Variants in RICTOR observed in about 807,000 individuals in gnomAD.
RICTOR encodes the protein RPTOR independent companion of MTOR complex 2.
In RICTOR, 49 loss-of-function variants were observed where a neutral mutation model predicts 214.9. That is an observed-to-expected ratio of 0.23 (90% CI 0.18 to 0.29). RICTOR has a LOEUF of 0.29. Ranked by LOEUF, RICTOR falls within the 10% of genes least tolerant of loss-of-function variation. The probability of loss-of-function intolerance (pLI) is 1.00; values close to 1 mark genes in which losing one functional copy is unlikely to be tolerated. For missense variants in RICTOR, 1,625 were observed against 2,047.0 expected (o/e 0.79, Z 3.98); for synonymous variants, 717 against 711.3 (o/e 1.01, Z -0.13).
At chr5:38,989,406 G>C (rs983350046) in intron 7 of RICTOR, among the ~76,000 whole-genome samples, 1 of 152,122 alleles carries the variant, frequency 6.6e-6, no homozygotes, top group East Asian at 1.9e-4. Flanking sequence ...AAACTTAGAA[G>C]AAAACCTAGG....
intron 3 of RICTOR, among the ~76,000 whole-genome samples, chr5:39,018,429 TAC>T (rs1198098531): frequency 6.6e-6 from 1 of 152,200 alleles, no homozygotes; most frequent in Non-Finnish European, 1.5e-5. Flanking sequence ...CTCTGTTTTT[TAC>T]ACATTGAAGG....
chr5:38,956,044 G>C (rs1749233780), intron 25 of RICTOR, among the ~76,000 whole-genome samples: 2 of 151,850 alleles, frequency 1.3e-5, no homozygotes, highest in Admixed American at 1.3e-4. Flanking sequence ...ATTATATATT[G>C]TCATTAAATT....
At chr5:38,967,751 T>C (rs908878754) in intron 12 of RICTOR, among the ~76,000 whole-genome samples, 192 bp downstream of exon 12, 5 of 152,176 alleles carry the variant, frequency 3.3e-5, no homozygotes, top group African/African-American at 1.2e-4. Flanking sequence ...AGAGCCAAGG[T>C]GATAAAGAAG....
Position 38,976,860 on chromosome 5 carries a change from T to C in RICTOR, c.822-1256A>G, listed in dbSNP as rs115319752. Among the ~76,000 whole-genome samples, 397 of 152,358 alleles carry C rather than the reference T, an allele frequency of 2.6e-3. 1 individual carries two copies. The highest frequency in any genetic ancestry group is 3.8e-3 in the Non-Finnish European group (261 of 68,030). ...GGTTCACCTGTTGTCCATCATCATA[T>C]GCAGAATTCTATATATGGCCCTATC... On this transcript the variant is annotated intron_variant, in intron 9 of 37. Coordinates refer to ENST00000357387, the MANE Select transcript of RICTOR (RefSeq NM_152756.5).
Position 38,958,301 on chromosome 5 carries a change from C to A in RICTOR, c.2420+142G>T. 6 of 614,416 alleles carry A rather than the reference C, an allele frequency of 9.8e-6. No homozygotes were observed. The South Asian group carries it at 1.2e-4, about 12-fold the overall frequency. 38.1% of individuals were successfully genotyped at this position (614,416 alleles called of 1,614,324 possible). ...AAAAAAATTAAAAAAAAAGAAAAAC[C>A]CAAAATAATGAAAAGACAATGTTTC... On this transcript the variant is annotated intron_variant, in intron 24 of 37. Transcript: ENST00000357387.
intron 10 of RICTOR, 62 bp downstream of exon 10, chr5:38,975,475 C>T: frequency 1.8e-6 from 2 of 1,122,438 alleles, no homozygotes; most frequent in Non-Finnish European, 2.7e-6. Flanking sequence ...AATAATTTAA[C>T]ATTTGAAAAA....
At chr5:38,985,610 C>G (rs1206402737) in intron 7 of RICTOR, among the ~76,000 whole-genome samples, 1 of 152,132 alleles carries the variant, frequency 6.6e-6, no homozygotes, top group Non-Finnish European at 1.5e-5. Flanking sequence ...CTTTTCCTTC[C>G]AATGATCAGA....
intron 6 of RICTOR, among the ~76,000 whole-genome samples, chr5:38,992,835 A>G (rs1011193401): frequency 2.6e-5 from 4 of 152,220 alleles, no homozygotes; most frequent in Non-Finnish European, 4.4e-5. Flanking sequence ...AAGTTTAATA[A>G]TCTCTTCTGG....
At chr5:39,056,465 C>T (rs1372453219) in intron 2 of RICTOR, among the ~76,000 whole-genome samples, 3 of 152,010 alleles carry the variant, frequency 2.0e-5, no homozygotes, top group Non-Finnish European at 2.9e-5. Context: ...AGAACCCTGT[C>T]TCTACAAAAA....
chr5:38,967,563 C>T, intron 12 of RICTOR, 136 bp from the exon 13 acceptor site: 1 of 644,066 alleles, frequency 1.6e-6, no homozygotes, highest in Non-Finnish European at 2.7e-6. Flanking sequence ...CAAAAAGATA[C>T]AGACAAAAAT....
At position 38,959,220 on chromosome 5, in the gene RICTOR, G is replaced by T; in HGVS notation, c.2153C>A (p.Ser718Tyr). 3 of 1,595,730 alleles carry T rather than the reference G, an allele frequency of 1.9e-6. No homozygotes were observed. The highest frequency in any genetic ancestry group is 2.6e-6 in the Non-Finnish European group (3 of 1,171,470). Reference sequence around the variant, plus strand: ...ATCAGTAGCTGCAGTTAAAATTTTGGAAAGGATGACTCTAGCCAATCCATC... The same window carrying T: ...ATCAGTAGCTGCAGTTAAAATTTTGTAAAGGATGACTCTAGCCAATCCATC... ...SRDGLARVIL[S>Y]KILTAATDAC... The change falls in exon 22 of 38, where the codon TCC (serine) becomes TAC (tyrosine). Residue 718 changes from serine to tyrosine, a missense_variant. This residue lies in a region of RICTOR where 1,214 missense variants were observed against 1,470.5 expected (regional missense o/e 0.83). Transcript: ENST00000357387.
Position 38,958,536 on chromosome 5 carries a change from T to C in RICTOR, c.2344-17A>G. On this transcript the variant is annotated splice_polypyrimidine_tract_variant and intron_variant, in intron 23 of 37. Transcript: ENST00000357387. ...AAGATTGGCCTAAAAGAGATTATCA[T>C]TATTTTTTTATAATTGCACAAAAAT... 1 of 1,594,828 alleles carries C rather than the reference T, an allele frequency of 6.3e-7. No homozygotes were observed. Among genetic ancestry groups the C allele is most frequent in the Middle Eastern group, 1.7e-4 (1 of 5,946 alleles).
intron 2 of RICTOR, among the ~76,000 whole-genome samples, chr5:39,071,524 A>T (rs1580243705): frequency 6.6e-6 from 1 of 152,234 alleles, no homozygotes; most frequent in Non-Finnish European, 1.5e-5. Context: ...TACTTTAATT[A>T]AGAACTAGCT....
At chr5:38,971,547 A>AT (rs10676528) in intron 11 of RICTOR, 1,584 of 142,782 alleles carry the variant, frequency 0.011, 39 homozygotes, top group African/African-American at 0.036. Flanking sequence ...TAATTTTTGT[A>AT]TTTTTTTTTT....
intron 9 of RICTOR, among the ~76,000 whole-genome samples, chr5:38,977,346 A>G (rs956912650): frequency 2.6e-5 from 4 of 152,214 alleles, no homozygotes; most frequent in African/African-American, 9.6e-5. Flanking sequence ...TTAAGCCATC[A>G]TGCTTATTGT....
At chr5:38,979,706 C>A (rs1751548591) in intron 8 of RICTOR, among the ~76,000 whole-genome samples, 1 of 152,208 alleles carries the variant, frequency 6.6e-6, no homozygotes, top group Non-Finnish European at 1.5e-5. Flanking sequence ...GGATCTGCGT[C>A]AACAAGTGTC....
In RICTOR at chr5:38,955,704, C is replaced by T; in HGVS notation, c.2500G>A (p.Glu834Lys). 1 of 1,499,366 alleles carries T rather than the reference C, an allele frequency of 6.7e-7. No homozygotes were observed. The highest frequency in any genetic ancestry group is 1.7e-5 in the Admixed American group (1 of 59,688). 92.9% of individuals were successfully genotyped at this position (1,499,366 alleles called of 1,614,324 possible). A position where few individuals can be genotyped will look rare whatever the true frequency, so the allele number is the denominator to read the frequency against. ...VAKQLEKWHR[E>K]YNSKYVDLIE... ...AAGTCAACATATTTGGAGTTGTATT[C>T]CTAGAGGATAATATTGTTTTAATTG... is the stretch of plus-strand genomic sequence containing the variant. The change falls in exon 26 of 38, where the codon GAA becomes AAA. Residue 834 changes from glutamate (E) to lysine (K), a missense_variant and splice_region_variant. By Grantham distance (56) the Glu-to-Lys change is moderately conservative (BLOSUM62 1). This residue lies in a region of RICTOR where 1,214 missense variants were observed against 1,470.5 expected (regional missense o/e 0.83). Coordinates refer to ENST00000357387, the MANE Select transcript of RICTOR (RefSeq NM_152756.5).
intron 3 of RICTOR, among the ~76,000 whole-genome samples, chr5:39,012,078 T>C (rs1353220876): frequency 6.6e-6 from 1 of 152,198 alleles, no homozygotes; most frequent in African/African-American, 2.4e-5. Context: ...TCCCCATGTG[T>C]CAAGGGTGGG....
chr5:38,955,449 C>T (rs559380483), intron 26 of RICTOR, 146 bp downstream of exon 26: 23 of 607,890 alleles, frequency 3.8e-5, no homozygotes, highest in Middle Eastern at 2.8e-4. Flanking sequence ...TTCAACATGC[C>T]ATGAATGCCA....
Sources: gnomAD v4.1 joint callset for allele counts (sites outside exome capture counted in the v4.1 genomes callset) on GRCh38, gnomAD v4.1.1 for gene constraint, gnomAD v4.1.1 regional missense constraint, MANE v1.5 for transcripts, NCBI Gene and HGNC (gene_info 2026-07-23, HGNC 2026-07-21) for gene names.